The following FRMD5 variants were observed in gnomAD, a reference collection of about 807,000 sequenced individuals.
FRMD5 encodes the protein FERM domain-containing protein 5.
In FRMD5, 20 loss-of-function variants were observed where a neutral mutation model predicts 69.0. The observed-to-expected ratio is 0.29, with a 90% CI of 0.20 to 0.42. The LOEUF (loss-of-function observed/expected upper bound fraction) is 0.42. FRMD5 is among the 10% of genes least tolerant of loss of function. The pLI is 1.00. For synonymous variants in FRMD5, 271 were observed against 260.1 expected (o/e 1.04, Z -0.40); for missense variants, 595 against 708.6 (o/e 0.84, Z 1.82).
intron 1 of FRMD5, among the ~76,000 whole-genome samples, chr15:44,161,393 T>G (rs2140500073): frequency 6.6e-6 from 1 of 152,286 alleles, no homozygotes; most frequent in African/African-American, 2.4e-5. Context: ...ATCATAAGCC[T>G]CTTTAGGATA....
At chr15:44,028,473 TC>T (rs1270551714) in intron 1 of FRMD5, among the ~76,000 whole-genome samples, 1 of 152,212 alleles carries the variant, frequency 6.6e-6, no homozygotes, top group African/African-American at 2.4e-5. Flanking sequence ...CTAGAGAAGA[TC>T]AACTCTCAGG....
rs1436664896 is a variant in FRMD5, at chr15:43,888,237, A to G, written c.822T>C (p.Ala274=). The G allele has an allele frequency of 1.9e-6, 3 of 1,613,984 alleles. No individual in the cohort carries two copies. The highest frequency in any genetic ancestry group is 1.7e-5 in the Admixed American group (1 of 60,018). ...EEKKIILTYF[A]PTPEACKHLW... ...GGTGCTTACACGCTTCAGGAGTTGG[A>G]GCAAAATATGTAAGAATAATTTTCT... The change falls in exon 10 of 14, where the codon GCT becomes GCC. Residue 274 remains alanine (A), a synonymous_variant. Coordinates refer to ENST00000417257, the MANE Select transcript of FRMD5 (RefSeq NM_032892.5).
At chr15:44,114,896 G>A (rs2076847623) in intron 1 of FRMD5, among the ~76,000 whole-genome samples, 1 of 152,040 alleles carries the variant, frequency 6.6e-6, no homozygotes, top group Admixed American at 6.6e-5. Context: ...AGCTAACAAG[G>A]GCAGCCACTA....
chr15:44,153,447 A>C (rs1287737099), intron 1 of FRMD5, among the ~76,000 whole-genome samples: 1 of 152,242 alleles, frequency 6.6e-6, no homozygotes, highest in Non-Finnish European at 1.5e-5. Context: ...AACTATGCTA[A>C]GTGAAATAAG....
At chr15:44,019,737 CAAAAAA>C (rs1189890743) in intron 1 of FRMD5, among the ~76,000 whole-genome samples, 7 of 23,516 alleles carry the variant, frequency 3.0e-4, no homozygotes, top group Non-Finnish European at 4.7e-4. Context: ...GAGTCTGTCT[CAAAAAA>C]AAAAAAAAAA....
chr15:44,064,545 C>T (rs996414999), intron 1 of FRMD5, among the ~76,000 whole-genome samples: 31 of 152,094 alleles, frequency 2.0e-4, no homozygotes, highest in Admixed American at 1.5e-3. Context: ...GCCGAGATCT[C>T]GTCATTGCAC....
In FRMD5 at chr15:43,958,344, G is replaced by GA. The variant is rs202196976; in HGVS notation, c.103-34036dup. 2.3e-3 allele frequency among the ~76,000 whole-genome samples: 342 copies of GA among 149,754 alleles called. 2 individuals carry two copies. The highest frequency in any genetic ancestry group is 7.5e-3 in the African/African-American group (306 of 40,896). ...AATATAAGAAAAAACAATCTAGAAA[G>GA]AAAAAAAAATGAAAAAGGCAAAAGA... On this transcript the variant is annotated intron_variant, in intron 1 of 13. Transcript: ENST00000417257.
intron 1 of FRMD5, among the ~76,000 whole-genome samples, chr15:44,001,909 C>T (rs566064595): frequency 6.6e-5 from 10 of 152,006 alleles, no homozygotes; most frequent in Non-Finnish European, 7.4e-5. Context: ...TTAGTAGACA[C>T]GGGGTTTCAC....
rs1253950678 is a variant in FRMD5 at position 43,872,916 on chromosome 15, G to T, written c.*969C>A. 1 of 446,960 alleles carries T rather than the reference G, an allele frequency of 2.2e-6. No individual in the cohort carries two copies. The highest frequency in any genetic ancestry group is 3.9e-6 in the Non-Finnish European group (1 of 254,054). 27.7% of individuals were successfully genotyped at this position (446,960 alleles called of 1,614,324 possible). ...GAAATAGTCTTTGGGTCAAGGGGGT[G>T]TATATAAAATAAGCACTGCTATCCA... On this transcript the variant is annotated 3_prime_UTR_variant, in exon 14 of 14. Transcript: ENST00000417257.
intron 1 of FRMD5, among the ~76,000 whole-genome samples, chr15:43,998,274 G>T (rs1890031453): frequency 6.6e-6 from 1 of 152,134 alleles, no homozygotes; most frequent in Admixed American, 6.5e-5. Context: ...TGGTCTACAA[G>T]ATTTAGATAT....
rs189870657 is a variant in FRMD5 at position 43,878,581 on chromosome 15, G to A, written c.1136-4119C>T. On this transcript the variant is annotated intron_variant, in intron 13 of 13. Coordinates refer to ENST00000417257, the MANE Select transcript of FRMD5 (RefSeq NM_032892.5). ...CTTGAGGAATATGTACCTTGGGACA[G>A]GTTATGGGTCACTGATAAAGCAGAA... Among the ~76,000 whole-genome samples the A allele has an allele frequency of 1.1e-4, 17 of 152,340 alleles. 1 individual carries two copies. The highest frequency in any genetic ancestry group is 1.0e-3 in the Admixed American group (16 of 15,308).
At chr15:43,991,961 T>C (rs943893956) in intron 1 of FRMD5, among the ~76,000 whole-genome samples, 9 of 152,216 alleles carry the variant, frequency 5.9e-5, no homozygotes, top group Non-Finnish European at 8.8e-5. Context: ...TGAATGCTGA[T>C]AGCTCCCAGC....
chr15:44,010,447 G>C (rs931819076), intron 1 of FRMD5, among the ~76,000 whole-genome samples: 1 of 150,222 alleles, frequency 6.7e-6, no homozygotes, highest in African/African-American at 2.5e-5. Context: ...ACCCAAGCTG[G>C]AGTGCAGTGG....
At chr15:44,168,001 T>C (rs1014023491) in intron 1 of FRMD5, among the ~76,000 whole-genome samples, 1 of 151,570 alleles carries the variant, frequency 6.6e-6, no homozygotes, top group Non-Finnish European at 1.5e-5. Flanking sequence ...GATACTAATA[T>C]AAGTTAACAC....
At chr15:43,879,573 A>G (rs2088466021) in intron 13 of FRMD5, 1 of 398,888 alleles carries the variant, frequency 2.5e-6, no homozygotes, top group South Asian at 1.3e-4. Context: ...CCGGGGCCCC[A>G]TCCTCAGGAT....
upstream of FRMD5, among the ~76,000 whole-genome samples, chr15:44,196,482 C>T (rs1290581220): frequency 1.3e-5 from 2 of 151,480 alleles, no homozygotes; most frequent in Admixed American, 6.6e-5. Context: ...AAAAAATAAT[C>T]GTGTCAACAT....
At chr15:44,067,631 T>C (rs978079569) in intron 1 of FRMD5, among the ~76,000 whole-genome samples, 2 of 152,112 alleles carry the variant, frequency 1.3e-5, no homozygotes, top group Non-Finnish European at 2.9e-5. Context: ...GCCTCTTTTA[T>C]AGGCATACTA....
At chr15:44,071,629 A>G (rs1893544457) in intron 1 of FRMD5, among the ~76,000 whole-genome samples, 1 of 152,110 alleles carries the variant, frequency 6.6e-6, no homozygotes, top group Non-Finnish European at 1.5e-5. Flanking sequence ...TGTGTTCTCT[A>G]TCATGGGTAT....
chr15:44,027,339 A>C (rs987911638), intron 1 of FRMD5, among the ~76,000 whole-genome samples: 5 of 152,172 alleles, frequency 3.3e-5, no homozygotes, highest in African/African-American at 9.7e-5. Context: ...AAAAAAACCC[A>C]AAAAAACTAG....
Sources: gnomAD v4.1 joint callset for allele counts (sites outside exome capture counted in the v4.1 genomes callset) on GRCh38, gnomAD v4.1.1 for gene constraint, MANE v1.5 for transcripts, NCBI Gene and HGNC (gene_info 2026-07-23, HGNC 2026-07-21) for gene names.